CDH8: variants seen among roughly 807,000 people sequenced by gnomAD.
CDH8 encodes cadherin-8.
A neutral mutation model predicts 68.1 loss-of-function variants in CDH8; 17 were observed. That is an observed-to-expected ratio of 0.25 (90% CI 0.17 to 0.37). The LOEUF (loss-of-function observed/expected upper bound fraction) is 0.37. Among genes scored for constraint, CDH8 ranks in the 10% least tolerant of loss-of-function variants. The pLI is 1.00. For synonymous variants in CDH8, 372 were observed against 365.1 expected (o/e 1.02, Z -0.21); for missense variants, 763 against 999.3 (o/e 0.76, Z 3.19).
At chr16:61,844,757 TCTAA>T (rs1056593437) in intron 4 of CDH8, among the ~76,000 whole-genome samples, 13 of 152,330 alleles carry the variant, frequency 8.5e-5, no homozygotes, top group African/African-American at 2.2e-4. Flanking sequence ...GTTCCTTTCT[TCTAA>T]CTATTACAGG....
intron 4 of CDH8, among the ~76,000 whole-genome samples, chr16:61,838,697 C>T (rs1371166842): frequency 1.3e-5 from 2 of 152,074 alleles, no homozygotes; most frequent in Non-Finnish European, 2.9e-5. Context: ...GAACAAAATA[C>T]CATCTGTAGA....
chr16:61,923,365 C>T lies in CDH8; in HGVS notation c.253-21892G>A, dbSNP rs187727870. On this transcript the variant is annotated intron_variant, in intron 2 of 11. Coordinates refer to ENST00000577390, the MANE Select transcript of CDH8 (RefSeq NM_001796.5). ...ACTAAAATTAATTGATAATGGACAT[C>T]CGCACTCAATCTTTTTAGTCCTCAG... Among the ~76,000 whole-genome samples, 576 of 152,210 alleles carry T rather than the reference C, an allele frequency of 3.8e-3. 6 individuals carry two copies. The highest frequency in any genetic ancestry group is 0.017 in the Middle Eastern group (5 of 294).
At chr16:62,027,215 T>C (rs1206567734) in intron 1 of CDH8, among the ~76,000 whole-genome samples, 1 of 152,194 alleles carries the variant, frequency 6.6e-6, no homozygotes, top group Non-Finnish European at 1.5e-5. Context: ...GTAAAATACT[T>C]AAAATCTGAC....
intron 2 of CDH8, among the ~76,000 whole-genome samples, chr16:61,972,159 T>G (rs1225640278): frequency 6.6e-6 from 1 of 151,836 alleles, no homozygotes; most frequent in Non-Finnish European, 1.5e-5. Flanking sequence ...TAAATAAGAG[T>G]TCCCCTGCAC....
chr16:61,818,591 T>G (rs1414728553), intron 6 of CDH8, among the ~76,000 whole-genome samples: 3 of 152,196 alleles, frequency 2.0e-5, no homozygotes, highest in Non-Finnish European at 4.4e-5. Flanking sequence ...CTTTGGTCAA[T>G]GACCTAGGTA....
rs370819153 is a variant in CDH8 at position 61,884,442 on chromosome 16, C to T, written c.547+16737G>A. ...AGGCTGAAGAGCAGTGGCGTGATCTCGGCTCATTGCAACCTCTGCCTCCTG... is the reference window on the plus strand; with the variant it reads ...AGGCTGAAGAGCAGTGGCGTGATCTTGGCTCATTGCAACCTCTGCCTCCTG... On this transcript the variant is annotated intron_variant, in intron 3 of 11. Coordinates refer to ENST00000577390, the MANE Select transcript of CDH8 (RefSeq NM_001796.5). Among the ~76,000 whole-genome samples, 5 of 150,028 alleles carry T rather than the reference C, an allele frequency of 3.3e-5. No individual in the cohort carries two copies. The East Asian group carries it at 7.9e-4, about 24-fold the overall frequency.
intron 8 of CDH8, among the ~76,000 whole-genome samples, chr16:61,770,453 T>C (rs574820852): frequency 4.6e-5 from 7 of 152,022 alleles, no homozygotes; most frequent in Admixed American, 1.3e-4. Context: ...TATCTATTTA[T>C]ACTGAGGCTT....
chr16:61,939,322 G>A (rs887660100), intron 2 of CDH8, among the ~76,000 whole-genome samples: 2 of 152,066 alleles, frequency 1.3e-5, no homozygotes, highest in African/African-American at 4.8e-5. Flanking sequence ...ACCTAATCCG[G>A]AAAAATAATG....
intron 2 of CDH8, among the ~76,000 whole-genome samples, chr16:61,902,222 A>G (rs1018039633): frequency 2.0e-5 from 3 of 152,176 alleles, no homozygotes; most frequent in African/African-American, 4.8e-5. Context: ...ACAACTTTTC[A>G]CCATGAACCC....
intron 4 of CDH8, among the ~76,000 whole-genome samples, chr16:61,847,934 G>T (rs1962847536): frequency 6.6e-6 from 1 of 150,962 alleles, no homozygotes; most frequent in Non-Finnish European, 1.5e-5. Context: ...CTTTTTTATT[G>T]TAAAAGGAGT....
chr16:61,741,895 TCACA>T (rs758759935), intron 8 of CDH8, among the ~76,000 whole-genome samples: 3 of 152,030 alleles, frequency 2.0e-5, no homozygotes, highest in Non-Finnish European at 2.9e-5. Context: ...ACATGCACAC[TCACA>T]CACACACAGA....
intron 8 of CDH8, among the ~76,000 whole-genome samples, chr16:61,729,392 T>C (rs527325213): frequency 1.5e-4 from 23 of 151,168 alleles, no homozygotes; most frequent in Non-Finnish European, 3.3e-4. Flanking sequence ...ATTTGATAAA[T>C]ATTTGAAGTT....
intron 2 of CDH8, among the ~76,000 whole-genome samples, chr16:61,944,265 C>T (rs1049174730): frequency 5.3e-5 from 8 of 152,130 alleles, no homozygotes; most frequent in African/African-American, 1.9e-4. Flanking sequence ...CACAAAGTGA[C>T]AGGAAATGAG....
intron 3 of CDH8, among the ~76,000 whole-genome samples, chr16:61,862,672 G>A (rs1963173343): frequency 6.6e-6 from 1 of 152,114 alleles, no homozygotes; most frequent in South Asian, 2.1e-4. Context: ...GATTGCCCAT[G>A]GGGGAAAAAA....
chr16:62,019,911 C>T (rs1403789026), intron 2 of CDH8, among the ~76,000 whole-genome samples: 1 of 152,138 alleles, frequency 6.6e-6, no homozygotes, highest in Non-Finnish European at 1.5e-5. Flanking sequence ...ACATAAGTTC[C>T]TTAAAGGCAG....
intron 5 of CDH8, among the ~76,000 whole-genome samples, chr16:61,823,602 T>G (rs1323134906): frequency 6.6e-6 from 1 of 151,930 alleles, no homozygotes; most frequent in East Asian, 1.9e-4. Context: ...AAAAAAACAT[T>G]GGAGGAAGGC....
At chr16:61,950,005 C>T (rs922098239) in intron 2 of CDH8, among the ~76,000 whole-genome samples, 18 of 146,204 alleles carry the variant, frequency 1.2e-4, no homozygotes, top group African/African-American at 4.1e-4. Flanking sequence ...AAAAAAAATC[C>T]TAAGCTTCAT....
intron 10 of CDH8, among the ~76,000 whole-genome samples, chr16:61,665,938 G>A (rs146333129): frequency 8.1e-5 from 12 of 148,726 alleles, no homozygotes; most frequent in East Asian, 6.1e-4. Context: ...CATGGTTTCC[G>A]TTACTCACAG....
At chr16:61,744,041 G>C (rs567004664) in intron 8 of CDH8, among the ~76,000 whole-genome samples, 2 of 152,158 alleles carry the variant, frequency 1.3e-5, no homozygotes, top group Non-Finnish European at 2.9e-5. Context: ...TGTGTTGAGA[G>C]TTGTTTTATG....
Sources: allele counts gnomAD v4.1 joint callset (sites outside exome capture counted in the v4.1 genomes callset), GRCh38; gene constraint gnomAD v4.1.1; transcripts MANE v1.5; gene names NCBI Gene and HGNC (gene_info 2026-07-23, HGNC 2026-07-21).